The following RAD51B variants were observed in gnomAD, a reference collection of about 807,000 sequenced individuals.
RAD51B encodes the protein DNA repair protein RAD51 homolog 2.
RAD51B carries 38 observed loss-of-function variants against 42.2 expected under a neutral mutation model. The ratio of observed to expected loss-of-function variants is 0.90; its 90% CI spans 0.70 to 1.18. The LOEUF is 1.18. RAD51B is among the 50% of genes most tolerant of loss of function. The pLI is 0.00. For synonymous variants in RAD51B, 154 were observed against 145.2 expected (o/e 1.06, Z -0.43); for missense variants, 373 against 400.7 (o/e 0.93, Z 0.59).
chr14:68,680,643 G>A (rs202021894), intron 11 of RAD51B, among the ~76,000 whole-genome samples: 2 of 152,140 alleles, frequency 1.3e-5, no homozygotes, highest in East Asian at 3.9e-4. Flanking sequence ...CACACCCTTT[G>A]TTAAATAGCT....
At chr14:68,021,104 T>A (rs1182368299) in intron 7 of RAD51B, among the ~76,000 whole-genome samples, 3 of 152,242 alleles carry the variant, frequency 2.0e-5, no homozygotes, top group Non-Finnish European at 4.4e-5. Context: ...CTTGTTCAAG[T>A]GACTCTCTAA....
At chr14:68,462,725 G>A (rs2085875894) in intron 9 of RAD51B, among the ~76,000 whole-genome samples, 1 of 152,178 alleles carries the variant, frequency 6.6e-6, no homozygotes, top group Non-Finnish European at 1.5e-5. Flanking sequence ...TGCAAGGATA[G>A]GTAAAGAGAG....
At chr14:68,333,941 C>A (rs2082398311) in intron 8 of RAD51B, among the ~76,000 whole-genome samples, 1 of 152,188 alleles carries the variant, frequency 6.6e-6, no homozygotes, top group Admixed American at 6.5e-5. Context: ...CTCTCCACCA[C>A]ACCCCAGCCT....
intron 10 of RAD51B, among the ~76,000 whole-genome samples, chr14:68,515,437 CTTCTTCT>C (rs1201818232): frequency 3.4e-5 from 4 of 116,106 alleles, no homozygotes; most frequent in Non-Finnish European, 7.3e-5. Context: ...CTTTCTTCTT[CTTCTTCT>C]TTTTTTTTTT....
intron 10 of RAD51B, among the ~76,000 whole-genome samples, chr14:68,474,557 A>G (rs1882394453): frequency 6.6e-6 from 1 of 152,028 alleles, no homozygotes; most frequent in African/African-American, 2.4e-5. Flanking sequence ...AGAAAGGTAA[A>G]GTAATGTTCA....
intron 7 of RAD51B, among the ~76,000 whole-genome samples, chr14:67,907,371 T>C (rs2043811814): frequency 6.6e-6 from 1 of 152,132 alleles, no homozygotes; most frequent in African/African-American, 2.4e-5. Flanking sequence ...CTACTGCTGC[T>C]TAATATTTTG....
At chr14:67,828,834 T>C (rs1263011025) in intron 3 of RAD51B, among the ~76,000 whole-genome samples, 1 of 152,196 alleles carries the variant, frequency 6.6e-6, no homozygotes, top group African/African-American at 2.4e-5. Context: ...TTCTGTTCCA[T>C]TGGTCTATGT....
At chr14:68,100,986 T>G (rs2077278354) in intron 7 of RAD51B, among the ~76,000 whole-genome samples, 1 of 152,158 alleles carries the variant, frequency 6.6e-6, no homozygotes, top group Non-Finnish European at 1.5e-5. Flanking sequence ...TCAGGAAACT[T>G]ACAGTCATGG....
At chr14:68,598,102 G>A (rs1374672588), downstream of RAD51B, among the ~76,000 whole-genome samples, 1 of 152,158 alleles carries the variant, frequency 6.6e-6, no homozygotes, top group Non-Finnish European at 1.5e-5. Context: ...TTCCCAAGAA[G>A]AGAAAGCTAC....
At chr14:67,842,819 G>C (rs114000040) in intron 4 of RAD51B, among the ~76,000 whole-genome samples, 1 of 152,120 alleles carries the variant, frequency 6.6e-6, no homozygotes, top group East Asian at 1.9e-4. Context: ...TCATAAATGG[G>C]TCTTAGTATT....
intron 7 of RAD51B, among the ~76,000 whole-genome samples, chr14:68,264,558 G>A (rs1393765813): frequency 2.0e-5 from 3 of 152,198 alleles, no homozygotes; most frequent in African/African-American, 7.2e-5. Context: ...AGAAGTACAG[G>A]AGGCATCTCC....
At chr14:67,981,712 C>T (rs923943171) in intron 7 of RAD51B, among the ~76,000 whole-genome samples, 1 of 152,112 alleles carries the variant, frequency 6.6e-6, no homozygotes, top group African/African-American at 2.4e-5. Flanking sequence ...TCAAAAAAGA[C>T]TGCGTGCTGT....
chr14:68,517,776 A>G (rs1220875870), intron 10 of RAD51B, among the ~76,000 whole-genome samples: 2 of 152,254 alleles, frequency 1.3e-5, no homozygotes, highest in African/African-American at 4.8e-5. Flanking sequence ...AGATATGAGA[A>G]AGGCGTTTTA....
At chr14:68,540,166 C>CTTTTTTTTTTTTTTTTTTTTTT (rs11321834) in intron 10 of RAD51B, 1 of 459,048 alleles carries the variant, frequency 2.2e-6, no homozygotes, top group African/African-American at 2.6e-5. Flanking sequence ...TACCCTGCTC[C>CTTTTTTTTTTTTTTTTTTTTTT]TTTTTTTTTT....
At chr14:68,347,353 G>C (rs2082695597) in intron 8 of RAD51B, among the ~76,000 whole-genome samples, 1 of 152,242 alleles carries the variant, frequency 6.6e-6, no homozygotes. Flanking sequence ...TCCACAAAAT[G>C]ATTGGGGGTC....
chr14:68,481,955 A>G (rs2140264506), downstream of RAD51B, among the ~76,000 whole-genome samples: 1 of 152,292 alleles, frequency 6.6e-6, no homozygotes, highest in South Asian at 2.1e-4. Context: ...TTATCATGTC[A>G]CCATTTTTAA....
intron 7 of RAD51B, among the ~76,000 whole-genome samples, chr14:68,056,000 T>C (rs1476723984): frequency 6.6e-6 from 1 of 152,154 alleles, no homozygotes; most frequent in Non-Finnish European, 1.5e-5. Flanking sequence ...AAGAAATGAC[T>C]TTTTTAGTGC....
At chr14:67,915,586 T>C (rs2044123908) in intron 7 of RAD51B, among the ~76,000 whole-genome samples, 1 of 152,226 alleles carries the variant, frequency 6.6e-6, no homozygotes, top group South Asian at 2.1e-4. Context: ...TGCAGCTTTA[T>C]TCCTGCCTGC....
intron 7 of RAD51B, among the ~76,000 whole-genome samples, chr14:68,283,552 TCAC>T (rs1219101335): frequency 3.2e-4 from 49 of 152,210 alleles, no homozygotes; most frequent in African/African-American, 1.2e-3. Context: ...TTGTCACAGT[TCAC>T]CAATTGTGCA....
Sources: allele counts gnomAD v4.1 joint callset (sites outside exome capture counted in the v4.1 genomes callset), GRCh38; gene constraint gnomAD v4.1.1; transcripts MANE v1.5; gene names NCBI Gene and HGNC (gene_info 2026-07-23, HGNC 2026-07-21).